Variants in HLCS observed in about 807,000 individuals in gnomAD.
HLCS encodes the protein biotin--protein ligase.
In HLCS, 53 loss-of-function variants were observed where a neutral mutation model predicts 75.0. That is an observed-to-expected ratio of 0.71 (90% CI 0.57 to 0.89). The LOEUF (loss-of-function observed/expected upper bound fraction) is 0.89, where lower values mean the gene tolerates loss of function less well. Among genes scored for constraint, HLCS ranks in the 40% least tolerant of loss-of-function variants. The probability of loss-of-function intolerance (pLI) is 0.00; values close to 1 mark genes in which losing one functional copy is unlikely to be tolerated. For synonymous variants in HLCS, 431 were observed against 428.6 expected, an observed-to-expected ratio of 1.01 and a Z score of -0.07; for missense variants, 966 against 1,074.0, an observed-to-expected ratio of 0.90 and a Z score of 1.41.
At chr21:36,838,937 G>C (rs776561585) in intron 6 of HLCS, among the ~76,000 whole-genome samples, 4 of 152,192 alleles carry the variant, frequency 2.6e-5, no homozygotes, top group Non-Finnish European at 5.9e-5. Context: ...AGAACCGACA[G>C]AGAATTATTT....
At chr21:36,881,998 G>A (rs1164815307) in intron 6 of HLCS, among the ~76,000 whole-genome samples, 7 of 152,088 alleles carry the variant, frequency 4.6e-5, no homozygotes, top group Middle Eastern at 3.4e-3. Flanking sequence ...GAGACTCCAC[G>A]TCGGCCGGGC....
chr21:36,754,282 G>C lies in HLCS; in HGVS notation c.2586C>G (p.Asp862Glu), dbSNP rs1410622827. 6.2e-7 allele frequency: 1 copy of C among 1,614,014 alleles called. No homozygotes were observed. The highest frequency in any genetic ancestry group is 1.3e-5 in the African/African-American group (1 of 74,922). Residue 862 changes from aspartate to glutamate, a missense_variant, in exon 11 of 11, where the codon GAC becomes GAG. By Grantham distance (45) the Asp-to-Glu change is conservative (BLOSUM62 2). Coordinates refer to ENST00000674895, the MANE Select transcript of HLCS (RefSeq NM_001352514.2). ...VTVHPDGNSF[D>E]MLRNLILPKR... Reference sequence around the variant, plus strand: ...TGGGGAGGATGAGGTTTCTCAGCATGTCGAAGGAGTTGCCGTCCGGGTGCA... The same window carrying C: ...TGGGGAGGATGAGGTTTCTCAGCATCTCGAAGGAGTTGCCGTCCGGGTGCA...
At chr21:36,766,876 C>T (rs2090056094) in intron 7 of HLCS, among the ~76,000 whole-genome samples, 1 of 152,048 alleles carries the variant, frequency 6.6e-6, no homozygotes, top group African/African-American at 2.4e-5. Flanking sequence ...CAGAAGGCTC[C>T]TTATGGAGAA....
intron 5 of HLCS, among the ~76,000 whole-genome samples, chr21:36,911,373 C>A (rs543024783): frequency 6.6e-6 from 1 of 152,278 alleles, no homozygotes; most frequent in Non-Finnish European, 1.5e-5. Context: ...CCAGTTAGGT[C>A]CATTTTAACT....
intron 6 of HLCS, among the ~76,000 whole-genome samples, chr21:36,778,066 T>C (rs2060414852): frequency 6.6e-6 from 1 of 152,152 alleles, no homozygotes; most frequent in Admixed American, 6.5e-5. Flanking sequence ...CCTCCCGGGT[T>C]CACACCATTC....
rs1443237771 is a variant in HLCS, at chr21:36,749,656, G to A, written c.*4590C>T. 6.6e-6 allele frequency: 1 copy of A among 152,182 alleles called. No individual in the cohort carries two copies. The highest frequency in any genetic ancestry group is 1.9e-4 in the East Asian group (1 of 5,194). The allele number at this position is 152,182 out of a possible 1,614,324, so 9.4% of individuals were successfully genotyped here. A position where few individuals can be genotyped will look rare whatever the true frequency, so the allele number is the denominator to read the frequency against. On this transcript the variant is annotated 3_prime_UTR_variant, in exon 11 of 11. Coordinates refer to ENST00000674895, the MANE Select transcript of HLCS (RefSeq NM_001352514.2). ...ATACCTCATTCACAGCTCCTTGTGA[G>A]TGTGTGCACAGGAAATAAGCCGAGG...
rs1250102534 is a variant in HLCS, at chr21:36,775,997, T to C, written c.1893-8712A>G. On this transcript the variant is annotated intron_variant, in intron 6 of 10. Transcript: ENST00000674895. ...TCCAAAGCTGAGAAGAAGTCCTTCCTCACAGACAAGAGGACACAGTCTCAG... is the reference window on the plus strand; with the variant it reads ...TCCAAAGCTGAGAAGAAGTCCTTCCCCACAGACAAGAGGACACAGTCTCAG... 2.6e-5 allele frequency among the ~76,000 whole-genome samples: 4 copies of C among 152,332 alleles called. No homozygotes were observed. The East Asian group carries it at 7.7e-4, about 29-fold the overall frequency.
At chr21:36,812,842 T>C (rs1292632861) in intron 6 of HLCS, among the ~76,000 whole-genome samples, 1 of 152,148 alleles carries the variant, frequency 6.6e-6, no homozygotes, top group Non-Finnish European at 1.5e-5. Flanking sequence ...GAGGATGGCT[T>C]GAGTCCAGGA....
intron 10 of HLCS, among the ~76,000 whole-genome samples, chr21:36,754,689 C>T (rs949466138): frequency 1.3e-5 from 2 of 152,160 alleles, no homozygotes; most frequent in African/African-American, 2.4e-5. Context: ...TGGTCATCTG[C>T]GGTGATGGCT....
intron 5 of HLCS, among the ~76,000 whole-genome samples, chr21:36,900,821 C>G (rs549398932): frequency 6.6e-6 from 1 of 152,224 alleles, no homozygotes; most frequent in East Asian, 1.9e-4. Context: ...TTAGAGAAAA[C>G]AGGGGCTCAA....
chr21:36,925,346 C>T (rs1357414585), intron 5 of HLCS, among the ~76,000 whole-genome samples: 1 of 152,168 alleles, frequency 6.6e-6, no homozygotes, highest in East Asian at 1.9e-4. Flanking sequence ...GTCACCTACA[C>T]ACTGTTAGCC....
intron 6 of HLCS, among the ~76,000 whole-genome samples, chr21:36,833,044 T>C (rs2062267599): frequency 6.6e-6 from 1 of 152,022 alleles, no homozygotes; most frequent in Admixed American, 6.6e-5. Flanking sequence ...AGACCATTTT[T>C]TTTTTTTAGG....
chr21:36,885,296 C>A (rs932388513), intron 6 of HLCS, among the ~76,000 whole-genome samples: 5 of 152,100 alleles, frequency 3.3e-5, no homozygotes, highest in Non-Finnish European at 5.9e-5. Context: ...CGCTTAAATT[C>A]AACAGTTCAA....
chr21:36,950,084 G>A (rs1373851184), intron 2 of HLCS, among the ~76,000 whole-genome samples: 1 of 151,820 alleles, frequency 6.6e-6, no homozygotes, highest in Non-Finnish European at 1.5e-5. Flanking sequence ...TTTCCCATGT[G>A]GCCACAATCT....
chr21:36,904,595 A>G (rs1231750507), intron 5 of HLCS, among the ~76,000 whole-genome samples: 1 of 152,204 alleles, frequency 6.6e-6, no homozygotes, highest in African/African-American at 2.4e-5. Context: ...AGTCAAATAC[A>G]TTTTAAGTAC....
At chr21:36,855,785 C>G (rs192487101) in intron 6 of HLCS, among the ~76,000 whole-genome samples, 2 of 152,024 alleles carry the variant, frequency 1.3e-5, no homozygotes, top group East Asian at 3.9e-4. Flanking sequence ...TCTGTGTTTC[C>G]CAGGCTGGTC....
In HLCS at chr21:36,936,122, C is replaced by T. The variant is rs552734309; in HGVS notation, c.1437+327G>A. On this transcript the variant is annotated intron_variant, in intron 4 of 10. Transcript: ENST00000674895. ...GGTGCTCTAAGGCAAGAAAGCAGAC[C>T]GATGAATTTGAGAAAGATCATTACT... 5.3e-5 allele frequency among the ~76,000 whole-genome samples: 8 copies of T among 152,188 alleles called. No homozygotes were observed. The East Asian group carries it at 9.6e-4, about 18-fold the overall frequency.
At chr21:36,978,093 T>C (rs7282422) in intron 1 of HLCS, among the ~76,000 whole-genome samples, 60,394 of 152,118 alleles carry the variant, frequency 0.4, 12,095 homozygotes, top group Admixed American at 0.45. Context: ...TCCCAACCAC[T>C]TGAAGTGCTC....
At chr21:36,989,931 G>A (rs2069315293) in intron 1 of HLCS, among the ~76,000 whole-genome samples, 1 of 133,200 alleles carries the variant, frequency 7.5e-6, no homozygotes. Context: ...CGGAGGCCGC[G>A]CTGCCCTGGG....
Sources: gnomAD v4.1 joint callset for allele counts (sites outside exome capture counted in the v4.1 genomes callset) on GRCh38, gnomAD v4.1.1 for gene constraint, MANE v1.5 for transcripts, NCBI Gene and HGNC (gene_info 2026-07-23, HGNC 2026-07-21) for gene names.